Variants in KIF20B observed in about 807,000 individuals in gnomAD.
KIF20B encodes the protein kinesin family member 20B, also known as kinesin-like protein KIF20B.
A neutral mutation model predicts 232.5 loss-of-function variants in KIF20B; 188 were observed. The ratio of observed to expected loss-of-function variants is 0.81; its 90% CI spans 0.72 to 0.91. KIF20B has a LOEUF of 0.91. Ranked by LOEUF, KIF20B falls within the 40% of genes least tolerant of loss-of-function variation. The pLI, the probability that KIF20B is intolerant of heterozygous loss-of-function variation, is 0.00. For synonymous variants in KIF20B, 712 were observed against 683.0 expected (o/e 1.04, Z -0.66); for missense variants, 2,154 against 2,055.9 (o/e 1.05, Z -0.92).
At position 89,772,751 on chromosome 10, in the gene KIF20B, A is replaced by G; in HGVS notation, c.5305A>G (p.Asn1769Asp). 2 of 1,609,576 alleles carry G rather than the reference A, an allele frequency of 1.2e-6. No individual in the cohort carries two copies. Among genetic ancestry groups the G allele is most frequent in the Non-Finnish European group, 1.7e-6 (2 of 1,176,894 alleles). Residue 1769 changes from asparagine to aspartate, a missense_variant, in exon 32 of 33, where the codon AAT becomes GAT. Asn to Asp is a conservative substitution (Grantham distance 23). Transcript: ENST00000371728. ...KLSNVEASKE[N>D]VSQPKRAKRK... Reference sequence around the variant, plus strand: ...CTCAAATGTAGAAGCAAGTAAAGAAAATGTGTCTCAACCAAAACGAGCCAA... The same window carrying G: ...CTCAAATGTAGAAGCAAGTAAAGAAGATGTGTCTCAACCAAAACGAGCCAA...
At chr10:89,762,943 TAG>T in intron 29 of KIF20B, 108 bp downstream of exon 29, 1 of 766,902 alleles carries the variant, frequency 1.3e-6, no homozygotes, top group Admixed American at 2.4e-5. Context: ...GCACTGCTGT[TAG>T]AGACCAAAAT....
chr10:89,714,111 G>T, intron 7 of KIF20B, 28 bp downstream of exon 7: 2 of 1,277,710 alleles, frequency 1.6e-6, no homozygotes, highest in South Asian at 1.6e-5. Context: ...ACTTATCTTT[G>T]ATGTATCGAT....
intron 19 of KIF20B, among the ~76,000 whole-genome samples, chr10:89,734,430 T>TG (rs923970764): frequency 2.6e-5 from 4 of 151,916 alleles, no homozygotes; most frequent in East Asian, 1.9e-4. Flanking sequence ...AAAGTGGTGG[T>TG]GGGGGGTCAT....
chr10:89,772,970 A>G (rs1015691006), intron 32 of KIF20B, 139 bp downstream of exon 32: 1 of 601,986 alleles, frequency 1.7e-6, no homozygotes, highest in Non-Finnish European at 2.7e-6. Flanking sequence ...ACATGTGTTA[A>G]GTTTATACTA....
At chr10:89,725,491 C>T (rs1843163917) in intron 15 of KIF20B, among the ~76,000 whole-genome samples, 1 of 151,996 alleles carries the variant, frequency 6.6e-6, no homozygotes, top group South Asian at 2.1e-4. Flanking sequence ...GTGTAAGAGA[C>T]CTAAGACGTC....
Position 89,719,608 on chromosome 10 carries a change from G to A in KIF20B, c.1624G>A (p.Ala542Thr), listed in dbSNP as rs776914048. 3 of 1,613,194 alleles carry A rather than the reference G, an allele frequency of 1.9e-6. No individual in the cohort carries two copies. The African/African-American group carries it at 4.0e-5, about 21-fold the overall frequency. ...GGATTTGGTTGAGGAGCTAGAAAAC[G>A]CTGAAGAAACTCAAAATGTGGAAAC... is the stretch of plus-strand genomic sequence containing the variant. ...DEDLVEELEN[A>T]EETQNVETKL... The change falls in exon 13 of 33, where the codon GCT (alanine) becomes ACT (threonine). Residue 542 changes from alanine to threonine, a missense_variant. Physicochemically the swap from Ala to Thr is moderately conservative, Grantham distance 58. Transcript: ENST00000371728.
chr10:89,764,672 T>C (rs1393581859), intron 29 of KIF20B, among the ~76,000 whole-genome samples: 4 of 151,862 alleles, frequency 2.6e-5, no homozygotes, highest in Non-Finnish European at 4.4e-5. Context: ...TTTCATGTGT[T>C]TTTTGGCTGC....
chr10:89,769,506 A>C (rs1017273032), intron 31 of KIF20B, among the ~76,000 whole-genome samples: 2 of 151,912 alleles, frequency 1.3e-5, no homozygotes, highest in Non-Finnish European at 2.9e-5. Flanking sequence ...ATATCCTCCT[A>C]GTGTTTTTTT....
In KIF20B at chr10:89,711,121, T is replaced by G; in HGVS notation, c.651T>G (p.Ser217Arg). The G allele has an allele frequency of 6.4e-7, 1 of 1,553,444 alleles. No homozygotes were observed. Among genetic ancestry groups the G allele is most frequent in the Non-Finnish European group, 8.7e-7 (1 of 1,148,576 alleles). ...EQEKEEIASK[S>R]ALLRQIKEVT... ...AGAAAGAAGAAATTGCTAGCAAAAG[T>G]GCATTGCTTCGGCAAATTAAAGAGG... is the stretch of plus-strand genomic sequence containing the variant. The change falls in exon 6 of 33, where the codon AGT becomes AGG. Residue 217 changes from serine (S) to arginine (R), a missense_variant. Coordinates refer to ENST00000371728, the MANE Select transcript of KIF20B (RefSeq NM_001284259.2).
At chr10:89,743,734 C>T (rs1255715055) in intron 21 of KIF20B, 74 bp from the exon 22 acceptor site, 5 of 994,780 alleles carry the variant, frequency 5.0e-6, no homozygotes, top group African/African-American at 3.5e-5. Flanking sequence ...ACATAGTTGC[C>T]ATGAATCTTA....
At chr10:89,715,646 A>G (rs1842920886) in intron 8 of KIF20B, among the ~76,000 whole-genome samples, 1 of 152,198 alleles carries the variant, frequency 6.6e-6, no homozygotes, top group South Asian at 2.1e-4. Context: ...CGTTAATTAT[A>G]CTTTTACTAC....
intron 27 of KIF20B, among the ~76,000 whole-genome samples, chr10:89,759,169 A>C (rs1050557095): frequency 2.0e-5 from 3 of 152,048 alleles, no homozygotes; most frequent in Non-Finnish European, 2.9e-5. Context: ...GAAAATCAAC[A>C]ATTTATGGTT....
chr10:89,725,298 GT>G, intron 15 of KIF20B, 140 bp downstream of exon 15: 1 of 788,854 alleles, frequency 1.3e-6, no homozygotes, highest in Non-Finnish European at 1.9e-6. Flanking sequence ...AATTAGGCAT[GT>G]TTTTTTAGAA....
intron 19 of KIF20B, among the ~76,000 whole-genome samples, chr10:89,734,522 A>G (rs1432687092): frequency 1.3e-5 from 2 of 152,192 alleles, no homozygotes; most frequent in Admixed American, 1.3e-4. Context: ...GACCTTTCAT[A>G]AATGCTTTGG....
chr10:89,729,740 T>A (rs1053380877), intron 18 of KIF20B, among the ~76,000 whole-genome samples: 1 of 152,234 alleles, frequency 6.6e-6, no homozygotes, highest in African/African-American at 2.4e-5. Flanking sequence ...ATGTAAAGAC[T>A]TAAAGGGTTG....
intron 8 of KIF20B, 52 bp downstream of exon 8, chr10:89,715,234 T>C: frequency 8.8e-7 from 1 of 1,140,678 alleles, no homozygotes; most frequent in Non-Finnish European, 1.3e-6. Context: ...CTTCCTGGGC[T>C]TTGTGATAGC....
intron 13 of KIF20B, among the ~76,000 whole-genome samples, chr10:89,722,585 C>A (rs934915070): frequency 6.6e-6 from 1 of 152,062 alleles, no homozygotes; most frequent in Non-Finnish European, 1.5e-5. Flanking sequence ...AGGAGAATGG[C>A]GTGAACCTGG....
chr10:89,726,806 T>TTA (rs900157877), intron 16 of KIF20B, among the ~76,000 whole-genome samples: 9 of 151,812 alleles, frequency 5.9e-5, no homozygotes, highest in Non-Finnish European at 8.8e-5. Flanking sequence ...GTAAATTTTG[T>TTA]TATATATATA....
Position 89,707,818 on chromosome 10 carries a change from A to G in KIF20B, c.148-1349A>G, listed in dbSNP as rs148595872. 5.6e-4 allele frequency among the ~76,000 whole-genome samples: 86 copies of G among 152,320 alleles called. No individual in the cohort carries two copies. The East Asian group carries it at 0.015, about 27-fold the overall frequency. ...AGATTTTTTGTAAGTGCCCTTTATCAGGATGAGGAAGTTTGCATTCATTAC... is the reference window on the plus strand; with the variant it reads ...AGATTTTTTGTAAGTGCCCTTTATCGGGATGAGGAAGTTTGCATTCATTAC... On this transcript the variant is annotated intron_variant, in intron 2 of 32. Transcript: ENST00000371728.
Sources: gnomAD v4.1 joint callset for allele counts (sites outside exome capture counted in the v4.1 genomes callset) on GRCh38, gnomAD v4.1.1 for gene constraint, MANE v1.5 for transcripts, NCBI Gene and HGNC (gene_info 2026-07-23, HGNC 2026-07-21) for gene names.